The following COL18A1 variants were observed in gnomAD, a reference collection of about 807,000 sequenced individuals.
COL18A1 encodes collagen alpha-1(XVIII) chain.
In COL18A1, 133 loss-of-function variants were observed where a neutral mutation model predicts 168.0. The observed-to-expected ratio is 0.79, with a 90% CI of 0.69 to 0.91. The LOEUF is 0.91. COL18A1 is among the 40% of genes least tolerant of loss of function. COL18A1 has a pLI of 0.00. For missense variants in COL18A1, 2,126 were observed against 1,925.4 expected, an observed-to-expected ratio of 1.10 and a Z score of -1.95; for synonymous variants, 949 against 809.0, an observed-to-expected ratio of 1.17 and a Z score of -2.94.
intron 2 of COL18A1, among the ~76,000 whole-genome samples, chr21:45,459,575 G>A (rs1004878188): frequency 1.1e-4 from 16 of 152,362 alleles, no homozygotes; most frequent in African/African-American, 3.8e-4. Context: ...GTGGGGGACA[G>A]TGCAGCCGTG....
chr21:45,487,119 C>T, intron 16 of COL18A1, 127 bp downstream of exon 16: 1 of 954,940 alleles, frequency 1.0e-6, no homozygotes. Flanking sequence ...ACTGCCTCAT[C>T]CTGGGATTCC....
Position 45,471,777 on chromosome 21 carries a change from C to T in COL18A1, c.652-2118C>T, listed in dbSNP as rs557948981. Among the ~76,000 whole-genome samples the T allele has an allele frequency of 2.0e-5, 3 of 152,136 alleles. No individual in the cohort carries two copies. Among genetic ancestry groups the T allele is most frequent in the South Asian group, 2.1e-4 (1 of 4,824 alleles). ...TCCAGCTGTGTCCTGATTTCCAGGG[C>T]GCTGAGGCTGCAGCGTGTCGGGAAG... is the stretch of plus-strand genomic sequence containing the variant. On this transcript the variant is annotated intron_variant, in intron 3 of 41. Coordinates refer to ENST00000651438, the MANE Select transcript of COL18A1 (RefSeq NM_001379500.1). This position sits in a 1 kb window ranked among gnomAD's most constrained non-coding sequence, Gnocchi z 4.4.
At chr21:45,448,356 C>G (rs915853583) in intron 2 of COL18A1, among the ~76,000 whole-genome samples, 5 of 152,346 alleles carry the variant, frequency 3.3e-5, no homozygotes, top group South Asian at 2.1e-4. Flanking sequence ...ACATGCACCT[C>G]CACATGCGTA....
chr21:45,455,281 G>C (rs185132451), intron 2 of COL18A1, among the ~76,000 whole-genome samples: 20 of 152,374 alleles, frequency 1.3e-4, no homozygotes, highest in African/African-American at 4.1e-4. Context: ...CTGTCCTCAC[G>C]GAGCCTGGGG....
chr21:45,509,437 C>T lies in COL18A1; in HGVS notation c.3331C>T (p.Pro1111Ser), dbSNP rs757163483. The T allele has an allele frequency of 1.3e-6, 2 of 1,534,680 alleles. No individual in the cohort carries two copies. Among genetic ancestry groups the T allele is most frequent in the South Asian group, 1.2e-5 (1 of 83,924 alleles). ...CTACCCGCGGCGGGAGCACCCCCAC[C>T]CCACCGCGCGGCCCTGGCGGGCAGA... ...NPYPRREHPHPTARPWRADDI... is the reference protein window; with the variant it reads ...NPYPRREHPHSTARPWRADDI... The change falls in exon 39 of 42, where the codon CCC becomes TCC. Residue 1111 changes from proline to serine, a missense_variant. Physicochemically the swap from Pro to Ser is moderately conservative, Grantham distance 74 (BLOSUM62 -1). Coordinates refer to ENST00000651438, the MANE Select transcript of COL18A1 (RefSeq NM_001379500.1).
intron 39 of COL18A1, 73 bp downstream of exon 39, chr21:45,509,674 C>G: frequency 1.2e-6 from 1 of 856,202 alleles, no homozygotes; most frequent in Non-Finnish European, 1.9e-6. Flanking sequence ...GGGCCCAGCC[C>G]CTGCAGAGCT....
chr21:45,432,779 G>T (rs2033997387), intron 2 of COL18A1, among the ~76,000 whole-genome samples: 2 of 152,224 alleles, frequency 1.3e-5, no homozygotes, highest in Admixed American at 6.5e-5. Context: ...GTGGGACATG[G>T]CCCCGTAGCA....
chr21:45,467,360 G>C, intron 2 of COL18A1: 1 of 985,450 alleles, frequency 1.0e-6, no homozygotes, highest in Non-Finnish European at 1.2e-6. Flanking sequence ...TGAGTCACCC[G>C]GCGCTGTGGG....
chr21:45,421,396 C>T (rs1458769788), intron 2 of COL18A1: 1 of 533,806 alleles, frequency 1.9e-6, no homozygotes, highest in Non-Finnish European at 3.8e-6. Flanking sequence ...ACTGCGGTGC[C>T]TGGAGAGCCA....
intron 2 of COL18A1, among the ~76,000 whole-genome samples, chr21:45,441,160 A>G (rs1221328098): frequency 6.6e-6 from 1 of 152,122 alleles, no homozygotes; most frequent in East Asian, 1.9e-4. Flanking sequence ...AGCTGCCCAG[A>G]CCTGGGGTCT....
In COL18A1 at chr21:45,480,099, C is replaced by T. The variant is rs762025808; in HGVS notation, c.1341C>T (p.Pro447=). 9 of 1,608,516 alleles carry T rather than the reference C, an allele frequency of 5.6e-6. No homozygotes were observed. The African/African-American group carries it at 8.0e-5, about 14-fold the overall frequency. ...ACCCTGGGGTTGGAGAGAGAGGGCC[C>T]CCAGGACCCCAAGGGCCTCCAGGGC... ...KGDPGVGERG[P]PGPQGPPGPP... Residue 447 remains proline (P), a synonymous_variant, in exon 11 of 42, where the codon CCC becomes CCT. Transcript: ENST00000651438.
chr21:45,507,692 C>G lies in COL18A1; in HGVS notation c.3249+99C>G, dbSNP rs909478233. 19 of 1,153,416 alleles carry G rather than the reference C, an allele frequency of 1.6e-5. No individual in the cohort carries two copies. In the African/African-American group the frequency reaches 2.1e-4, roughly 13 times the overall value. The allele number at this position is 1,153,416 out of a possible 1,614,324, so 71.4% of individuals were successfully genotyped here. ...GGAACAACACGTGGTCCTTTGGAGT[C>G]CTGGAGCTGAACATGTGGCTCACCA... On this transcript the variant is annotated intron_variant, in intron 38 of 41. Coordinates refer to ENST00000651438, the MANE Select transcript of COL18A1 (RefSeq NM_001379500.1).
chr21:45,513,365 G>A lies in COL18A1; in HGVS notation c.*967G>A, dbSNP rs2037720470. The A allele has an allele frequency of 6.6e-6, 1 of 152,324 alleles. No individual in the cohort carries two copies. Among genetic ancestry groups the A allele is most frequent in the Non-Finnish European group, 1.5e-5 (1 of 68,100 alleles). The allele number at this position is 152,324 out of a possible 1,614,324, so 9.4% of individuals were successfully genotyped here. A position where few individuals can be genotyped will look rare whatever the true frequency, so the allele number is the denominator to read the frequency against. On this transcript the variant is annotated 3_prime_UTR_variant, in exon 42 of 42. Transcript: ENST00000651438. ...TCTGTGCACTGCCCATGGACAGGCT[G>A]GCTCCAGATGCAGGGCAGTCATTGG... is the stretch of plus-strand genomic sequence containing the variant.
chr21:45,455,984 C>T lies in COL18A1; in HGVS notation c.107-12258C>T, dbSNP rs748188616. ...GGTCCTGGAGACTCCTGTGGGCCCCCTTGCCCTCGCTGGGCCTTCCAGCAC... is the reference window on the plus strand; with the variant it reads ...GGTCCTGGAGACTCCTGTGGGCCCCTTTGCCCTCGCTGGGCCTTCCAGCAC... On this transcript the variant is annotated intron_variant, in intron 2 of 41. Transcript: ENST00000651438. 10 of 1,612,854 alleles carry T rather than the reference C, an allele frequency of 6.2e-6. No individual in the cohort carries two copies. Among genetic ancestry groups the T allele is most frequent in the Middle Eastern group, 1.6e-4 (1 of 6,082 alleles).
chr21:45,475,523 CAG>C lies in COL18A1; in HGVS notation c.787_788del (p.Arg263GlyfsTer34), dbSNP rs774235714. 1 of 1,606,920 alleles carries C rather than the reference CAG, an allele frequency of 6.2e-7. No individual in the cohort carries two copies. The highest frequency in any genetic ancestry group is 8.5e-7 in the Non-Finnish European group (1 of 1,178,308). On this transcript the variant is annotated frameshift_variant, in exon 5 of 42. Transcript: ENST00000651438. LOFTEE classifies it high-confidence loss of function. ...SGLGDARELL[R>X]EETGAALKPR... Reference sequence around the variant, plus strand: ...GGCTCGGGGACGCCCGGGAGCTTCTCAGGGAGGAGACGGTGAGTAGCCGGACG... The same window carrying C: ...GGCTCGGGGACGCCCGGGAGCTTCTCGGAGGAGACGGTGAGTAGCCGGACG...
intron 32 of COL18A1, among the ~76,000 whole-genome samples, chr21:45,501,947 T>G (rs11700481): frequency 5.4e-4 from 21 of 38,644 alleles, no homozygotes; most frequent in Admixed American, 1.3e-3. Flanking sequence ...AGAAGGACCC[T>G]CAGGGGCCTC....
At chr21:45,502,223 G>A (rs2036904704) in intron 32 of COL18A1, among the ~76,000 whole-genome samples, 1 of 152,220 alleles carries the variant, frequency 6.6e-6, no homozygotes. Flanking sequence ...GGGGTGTGGA[G>A]CCACGTGCTC....
intron 35 of COL18A1, 40 bp downstream of exon 35, chr21:45,505,318 C>G: frequency 6.3e-7 from 1 of 1,592,242 alleles, no homozygotes; most frequent in Non-Finnish European, 8.6e-7. Context: ...GAGGCCGCCT[C>G]GTGTGGCTTC....
rs2037115965 is a variant in COL18A1 at position 45,505,157 on chromosome 21, G to A, written c.2892G>A (p.Arg964=). The A allele has an allele frequency of 1.2e-6, 2 of 1,608,456 alleles. No individual in the cohort carries two copies. Among genetic ancestry groups the A allele is most frequent in the African/African-American group, 1.3e-5 (1 of 74,784 alleles). ...AGGGTCCCAAGGGAGAGAGCATCCG[G>A]GGCCAGCCCGGCCCACCTGGACCTC... The part of the protein sequence containing the change: ...GIPGPKGESI[R]GQPGPPGPQG... Residue 964 remains arginine (R), a synonymous_variant, in exon 35 of 42, where the codon CGG becomes CGA. Transcript: ENST00000651438.
Sources: allele counts gnomAD v4.1 joint callset (sites outside exome capture counted in the v4.1 genomes callset), GRCh38; gene constraint gnomAD v4.1.1; non-coding constraint Gnocchi (gnomAD v3.1); transcripts MANE v1.5; gene names NCBI Gene and HGNC (gene_info 2026-07-23, HGNC 2026-07-21).